Variants in CNTLN observed in about 807,000 individuals in gnomAD.
CNTLN encodes centlein, centrosomal protein.
CNTLN carries 212 observed loss-of-function variants against 180.0 expected under a neutral mutation model. That is an observed-to-expected ratio of 1.18 (90% CI 1.05 to 1.32). The LOEUF is 1.32. Among genes scored for constraint, CNTLN ranks in the 40% most tolerant of loss-of-function variants. The pLI, the probability that CNTLN is intolerant of heterozygous loss-of-function variation, is 0.00. For synonymous variants in CNTLN, 722 were observed against 563.1 expected (o/e 1.28, Z -3.99); for missense variants, 2,095 against 1,610.9 (o/e 1.30, Z -5.14).
intron 2 of CNTLN, among the ~76,000 whole-genome samples, chr9:17,199,795 T>C (rs1822399010): frequency 6.6e-6 from 1 of 152,206 alleles, no homozygotes; most frequent in South Asian, 2.1e-4. Context: ...AGGTTGCCTG[T>C]TCATTCTGAT....
At chr9:17,175,319 A>C (rs781562935) in intron 2 of CNTLN, among the ~76,000 whole-genome samples, 1 of 152,116 alleles carries the variant, frequency 6.6e-6, no homozygotes, top group Non-Finnish European at 1.5e-5. Flanking sequence ...TATTTGTTTA[A>C]GAAGAGATTT....
chr9:17,171,901 A>G (rs747766805), intron 2 of CNTLN, among the ~76,000 whole-genome samples: 2 of 151,808 alleles, frequency 1.3e-5, no homozygotes, highest in Non-Finnish European at 2.9e-5. Context: ...CAAGCACATT[A>G]GAGTAGCCAT....
intron 10 of CNTLN, among the ~76,000 whole-genome samples, chr9:17,334,910 T>TAAAAAAAA (rs71303378): frequency 1.6e-5 from 2 of 122,576 alleles, no homozygotes; most frequent in Admixed American, 8.4e-5. Context: ...AATCTAAAAT[T>TAAAAAAAA]AAAAAAAAAA....
At chr9:17,139,842 C>T (rs966151609) in intron 1 of CNTLN, among the ~76,000 whole-genome samples, 8 of 152,042 alleles carry the variant, frequency 5.3e-5, no homozygotes, top group African/African-American at 1.9e-4. Context: ...GTAGCTAGGA[C>T]TACAGGTGTG....
At chr9:17,459,026 A>G (rs1328028960) in intron 19 of CNTLN, among the ~76,000 whole-genome samples, 1 of 151,720 alleles carries the variant, frequency 6.6e-6, no homozygotes, top group Non-Finnish European at 1.5e-5. Flanking sequence ...TACTTCTGTG[A>G]TTCTTCATAT....
chr9:17,211,895 A>G (rs2131971431), intron 2 of CNTLN, among the ~76,000 whole-genome samples: 1 of 152,274 alleles, frequency 6.6e-6, no homozygotes, highest in African/African-American at 2.4e-5. Flanking sequence ...CGATTTTTGC[A>G]CATTGATTTT....
rs1280479306 is a variant in CNTLN at position 17,166,095 on chromosome 9, A to T, written c.449+22719A>T. The stretch of plus-strand genomic sequence containing the variant: ...GAAACCAGAAGTAACAGAAAAATGG[A>T]GTTCAGAGAAGACAGAGATATGCTG... On this transcript the variant is annotated intron_variant, in intron 2 of 25. Transcript: ENST00000380647. 1.7e-4 allele frequency among the ~76,000 whole-genome samples: 26 copies of T among 152,352 alleles called. No individual in the cohort carries two copies. In the South Asian group the frequency reaches 5.4e-3, roughly 32 times the overall value.
intron 5 of CNTLN, among the ~76,000 whole-genome samples, chr9:17,266,679 C>G (rs775754298): frequency 2.0e-5 from 3 of 152,064 alleles, no homozygotes; most frequent in Non-Finnish European, 2.9e-5. Context: ...GTCTAAGTCT[C>G]TTTGTAGGTT....
At chr9:17,163,083 T>C (rs1261128334) in intron 2 of CNTLN, among the ~76,000 whole-genome samples, 2 of 152,158 alleles carry the variant, frequency 1.3e-5, no homozygotes, top group African/African-American at 4.8e-5. Context: ...ACATCTTACA[T>C]TGTGGTAGAC....
At chr9:17,423,815 C>G (rs1828896456) in intron 18 of CNTLN, among the ~76,000 whole-genome samples, 1 of 152,124 alleles carries the variant, frequency 6.6e-6, no homozygotes, top group Non-Finnish European at 1.5e-5. Context: ...TCCGCTGTGA[C>G]AGGACTTTGC....
intron 12 of CNTLN, among the ~76,000 whole-genome samples, chr9:17,351,182 T>A (rs1822330650): frequency 6.6e-6 from 1 of 152,206 alleles, no homozygotes; most frequent in Admixed American, 6.5e-5. Flanking sequence ...ACATTCTCCA[T>A]TGCCAGCTTT....
At chr9:17,487,094 A>C (rs1446693940) in intron 25 of CNTLN, 28 bp downstream of exon 25, 2 of 1,438,206 alleles carry the variant, frequency 1.4e-6, no homozygotes, top group Non-Finnish European at 2.0e-6. Flanking sequence ...TTCATATATT[A>C]AGCTTCCAAA....
In CNTLN at chr9:17,466,908, G is replaced by A. The variant is rs181641610; in HGVS notation, c.3855+17G>A. The A allele has an allele frequency of 3.7e-5, 59 of 1,594,866 alleles. No individual in the cohort carries two copies. The highest frequency in any genetic ancestry group is 1.8e-4 in the East Asian group (8 of 44,474). ...TTTGTGAAGGTTTGAATTACTTGTCGTTTACTAACTTGTACTTTACTTTAG... is the reference window on the plus strand; with the variant it reads ...TTTGTGAAGGTTTGAATTACTTGTCATTTACTAACTTGTACTTTACTTTAG... On this transcript the variant is annotated intron_variant, in intron 23 of 25. Transcript: ENST00000380647.
chr9:17,453,833 C>T (rs1335630246), intron 18 of CNTLN, among the ~76,000 whole-genome samples: 1 of 152,174 alleles, frequency 6.6e-6, no homozygotes, highest in Admixed American at 6.5e-5. Context: ...CAACTTACTT[C>T]TTTAAAACCA....
intron 2 of CNTLN, among the ~76,000 whole-genome samples, chr9:17,224,876 G>A (rs1198486887): frequency 6.6e-6 from 1 of 151,582 alleles, no homozygotes; most frequent in African/African-American, 2.4e-5. Flanking sequence ...CAGTGTATGG[G>A]GATTCATGTA....
At chr9:17,160,410 C>T (rs955707588) in intron 2 of CNTLN, among the ~76,000 whole-genome samples, 1 of 152,192 alleles carries the variant, frequency 6.6e-6, no homozygotes, top group Non-Finnish European at 1.5e-5. Flanking sequence ...AACTTTCTCA[C>T]TATCACAGGC....
intron 18 of CNTLN, among the ~76,000 whole-genome samples, chr9:17,456,812 G>A (rs1464746936): frequency 6.6e-6 from 1 of 152,048 alleles, no homozygotes; most frequent in East Asian, 1.9e-4. Context: ...CTATAGATGG[G>A]TGAATGAGAA....
intron 5 of CNTLN, among the ~76,000 whole-genome samples, chr9:17,265,354 C>A (rs544827205): frequency 6.6e-6 from 1 of 152,056 alleles, no homozygotes; most frequent in Admixed American, 6.6e-5. Context: ...TATTGATTTG[C>A]GTATGTTGTA....
chr9:17,487,490 C>G (rs1832950811), intron 25 of CNTLN, among the ~76,000 whole-genome samples: 1 of 152,150 alleles, frequency 6.6e-6, no homozygotes, highest in Admixed American at 6.5e-5. Flanking sequence ...TTCCTCACAG[C>G]CAGACAGCTG....
Sources: allele counts gnomAD v4.1 joint callset (sites outside exome capture counted in the v4.1 genomes callset), GRCh38; gene constraint gnomAD v4.1.1; transcripts MANE v1.5; gene names NCBI Gene and HGNC (gene_info 2026-07-23, HGNC 2026-07-21).